The following ITGBL1 variants were observed in gnomAD, a reference collection of about 807,000 sequenced individuals.
The protein encoded by ITGBL1 is integrin beta-like protein 1.
In ITGBL1, 51 loss-of-function variants were observed where a neutral mutation model predicts 68.5. That is an observed-to-expected ratio of 0.74 (90% confidence interval 0.59 to 0.94). The LOEUF is 0.94. Ranked by LOEUF, ITGBL1 falls within the 40% of genes least tolerant of loss-of-function variation. ITGBL1 has a pLI of 0.00. For synonymous variants in ITGBL1, 209 were observed against 227.3 expected, an observed-to-expected ratio of 0.92 and a Z score of 0.72; for missense variants, 649 against 647.4, an observed-to-expected ratio of 1.00 and a Z score of -0.03.
At chr13:101,480,150 A>C (rs2139036285) in intron 2 of ITGBL1, among the ~76,000 whole-genome samples, 1 of 152,208 alleles carries the variant, frequency 6.6e-6, no homozygotes, top group African/African-American at 2.4e-5. Context: ...AAAATGAATG[A>C]GATCTTGTCA....
chr13:101,704,255 G>A (rs2034202589), intron 8 of ITGBL1, among the ~76,000 whole-genome samples: 2 of 152,078 alleles, frequency 1.3e-5, no homozygotes, highest in Admixed American at 6.5e-5. Flanking sequence ...GTCGGACCCT[G>A]CCTATGTAGC....
intron 7 of ITGBL1, among the ~76,000 whole-genome samples, chr13:101,659,914 G>GAATTAATT (rs2033038744): frequency 6.6e-6 from 1 of 152,140 alleles, no homozygotes; most frequent in Non-Finnish European, 1.5e-5. Context: ...ATCACTCACA[G>GAATTAATT]AATTAATTAA....
At chr13:101,675,195 T>C (rs9513934) in intron 7 of ITGBL1, among the ~76,000 whole-genome samples, 2,491 of 152,252 alleles carry the variant, frequency 0.016, 41 homozygotes, top group Non-Finnish European at 0.024. Flanking sequence ...GTAATGCATC[T>C]TTTTATCTTT....
chr13:101,684,478 A>G (rs2033710760), intron 7 of ITGBL1, among the ~76,000 whole-genome samples: 1 of 152,116 alleles, frequency 6.6e-6, no homozygotes, highest in African/African-American at 2.4e-5. Flanking sequence ...ATAAGCATAC[A>G]GTATTTCTTC....
At chr13:101,622,908 GGTAT>G (rs1421716829) in intron 7 of ITGBL1, among the ~76,000 whole-genome samples, 1 of 93,574 alleles carries the variant, frequency 1.1e-5, no homozygotes, top group South Asian at 3.9e-4. Context: ...GTGTGTGTGG[GGTAT>G]GTATGTGTGT....
chr13:101,622,017 G>A (rs1305161375), intron 7 of ITGBL1, among the ~76,000 whole-genome samples: 6 of 152,128 alleles, frequency 3.9e-5, no homozygotes, highest in Non-Finnish European at 8.8e-5. Flanking sequence ...ATTTAAGATA[G>A]TGGAATATAA....
At chr13:101,538,603 A>C (rs1174687817) in intron 2 of ITGBL1, among the ~76,000 whole-genome samples, 3 of 152,162 alleles carry the variant, frequency 2.0e-5, no homozygotes, top group Non-Finnish European at 4.4e-5. Flanking sequence ...AACTCCAGAA[A>C]AAAAATCAGC....
At chr13:101,510,494 AT>A (rs1454680460) in intron 2 of ITGBL1, among the ~76,000 whole-genome samples, 1 of 152,122 alleles carries the variant, frequency 6.6e-6, no homozygotes, top group African/African-American at 2.4e-5. Context: ...AATGATCTAT[AT>A]TCCTTTGGAT....
intron 7 of ITGBL1, among the ~76,000 whole-genome samples, chr13:101,656,240 T>G (rs1257548199): frequency 2.0e-5 from 3 of 152,184 alleles, no homozygotes; most frequent in Non-Finnish European, 4.4e-5. Flanking sequence ...TGTCAAAGGT[T>G]TCCCATTCAG....
chr13:101,470,129 G>A (rs987669819), intron 2 of ITGBL1, among the ~76,000 whole-genome samples: 1 of 152,158 alleles, frequency 6.6e-6, no homozygotes, highest in Non-Finnish European at 1.5e-5. Context: ...AGTTACTGTA[G>A]ATTTGATAAG....
At chr13:101,684,243 C>T (rs1263580556) in intron 7 of ITGBL1, among the ~76,000 whole-genome samples, 1 of 151,934 alleles carries the variant, frequency 6.6e-6, no homozygotes, top group Non-Finnish European at 1.5e-5. Flanking sequence ...CAAAATCCAA[C>T]TTTTATGATT....
intron 2 of ITGBL1, among the ~76,000 whole-genome samples, chr13:101,545,222 A>G (rs1243742516): frequency 6.6e-6 from 1 of 152,224 alleles, no homozygotes; most frequent in Non-Finnish European, 1.5e-5. Flanking sequence ...CTTCTAAAAC[A>G]GTAAGATGAG....
chr13:101,686,129 T>C (rs1202404422), intron 7 of ITGBL1, among the ~76,000 whole-genome samples: 1 of 152,148 alleles, frequency 6.6e-6, no homozygotes, highest in East Asian at 1.9e-4. Flanking sequence ...GCTATGCTTT[T>C]GCAACACAAG....
chr13:101,572,572 G>A (rs9518449), intron 3 of ITGBL1, among the ~76,000 whole-genome samples: 9,843 of 152,200 alleles, frequency 0.065, 505 homozygotes, highest in East Asian at 0.23. Context: ...TGGCAACCAC[G>A]AGAGAGAAGC....
chr13:101,706,188 G>T (rs2034260054), intron 8 of ITGBL1, among the ~76,000 whole-genome samples: 4 of 152,140 alleles, frequency 2.6e-5, no homozygotes, highest in Non-Finnish European at 5.9e-5. Context: ...TGCCAAACAT[G>T]AATCCAAGCT....
rs543911128 is a variant in ITGBL1 at position 101,480,415 on chromosome 13, C to A, written c.316+26315C>A. Among the ~76,000 whole-genome samples, 71 of 151,722 alleles carry A rather than the reference C, an allele frequency of 4.7e-4. 1 individual carries two copies. Among genetic ancestry groups the A allele is most frequent in the African/African-American group, 1.6e-3 (65 of 41,382 alleles). On this transcript the variant is annotated intron_variant, in intron 2 of 10. Transcript: ENST00000376180. Reference sequence around the variant, plus strand: ...GTGTATAAGATCTAGTATTTGATAGCTCAATGATGCTATTTTTTCCATTTG... The same window carrying A: ...GTGTATAAGATCTAGTATTTGATAGATCAATGATGCTATTTTTTCCATTTG...
At chr13:101,661,725 A>G (rs866109449) in intron 7 of ITGBL1, among the ~76,000 whole-genome samples, 3 of 152,348 alleles carry the variant, frequency 2.0e-5, no homozygotes, top group Admixed American at 6.5e-5. Flanking sequence ...ATTTGAGATC[A>G]TATCACCACC....
At chr13:101,708,062 C>CAT (rs138373350) in intron 9 of ITGBL1, among the ~76,000 whole-genome samples, 7,077 of 147,914 alleles carry the variant, frequency 0.048, 342 homozygotes, top group East Asian at 0.27. Context: ...CACACACACA[C>CAT]ACACACATAC....
chr13:101,454,026 C>G lies in ITGBL1; in HGVS notation c.242C>G (p.Pro81Arg), dbSNP rs1421092345. The change falls in exon 2 of 11, where the codon CCG (proline) becomes CGG (arginine). Residue 81 changes from proline (P) to arginine (R), a missense_variant. Coordinates refer to ENST00000376180, the MANE Select transcript of ITGBL1 (RefSeq NM_004791.3). Reference sequence around the variant, plus strand: ...GTCTGCATCTGCCACGTGACTGAGCCGGGCATGTTCTTCGGGCCCCTGTGT... The same window carrying G: ...GTCTGCATCTGCCACGTGACTGAGCGGGGCATGTTCTTCGGGCCCCTGTGT... ...CGVCICHVTE[P>R]GMFFGPLCEC... The G allele has an allele frequency of 1.9e-6, 3 of 1,588,416 alleles. No homozygotes were observed. The East Asian group carries it at 6.9e-5, about 36-fold the overall frequency.
Sources: allele counts gnomAD v4.1 joint callset (sites outside exome capture counted in the v4.1 genomes callset), GRCh38; gene constraint gnomAD v4.1.1; transcripts MANE v1.5; gene names NCBI Gene and HGNC (gene_info 2026-07-23, HGNC 2026-07-21).